The following SAXO1 variants were observed in gnomAD, a reference collection of about 807,000 sequenced individuals.
SAXO1 encodes 4930500O09Rik.
Under a neutral mutation model 17.5 loss-of-function variants are expected in SAXO1, and 21 were observed. The observed-to-expected ratio is 1.20, with a 90% CI of 0.85 to 1.72. The LOEUF (loss-of-function observed/expected upper bound fraction) is 1.72, where lower values mean the gene tolerates loss of function less well. Ranked by LOEUF, SAXO1 falls within the 40% of genes most tolerant of loss-of-function variation. The pLI is 0.00. For synonymous variants in SAXO1, 274 were observed against 216.5 expected (o/e 1.27, Z -2.33); for missense variants, 843 against 596.0 (o/e 1.41, Z -4.32).
chr9:19,014,804 G>A (rs1279269942), intron 1 of SAXO1, among the ~76,000 whole-genome samples: 1 of 152,138 alleles, frequency 6.6e-6, no homozygotes, highest in Non-Finnish European at 1.5e-5. Flanking sequence ...TCCAACCATA[G>A]AGGCTCTACA....
At chr9:18,989,267 A>T (rs183694309) in intron 1 of SAXO1, among the ~76,000 whole-genome samples, 5 of 152,298 alleles carry the variant, frequency 3.3e-5, no homozygotes, top group Non-Finnish European at 5.9e-5. Flanking sequence ...ATTGCTTTTA[A>T]GTGAAACTGA....
intron 1 of SAXO1, among the ~76,000 whole-genome samples, chr9:18,966,603 T>C (rs868514237): frequency 3.3e-5 from 5 of 152,212 alleles, no homozygotes; most frequent in African/African-American, 7.2e-5. Flanking sequence ...GTCATTTATA[T>C]TCTTCTCTAA....
At chr9:19,043,368 A>G (rs1836123940) in intron 1 of SAXO1, among the ~76,000 whole-genome samples, 2 of 152,176 alleles carry the variant, frequency 1.3e-5, no homozygotes, top group African/African-American at 4.8e-5. Context: ...TCACAGACAC[A>G]GAGAGCAGAA....
chr9:18,994,811 G>A (rs1043222109), intron 1 of SAXO1, among the ~76,000 whole-genome samples: 2 of 152,292 alleles, frequency 1.3e-5, no homozygotes, highest in East Asian at 1.9e-4. Context: ...TAACCCCCAG[G>A]ATGCAATCTG....
At chr9:19,025,975 G>T (rs1159309217) in intron 1 of SAXO1, among the ~76,000 whole-genome samples, 1 of 152,020 alleles carries the variant, frequency 6.6e-6, no homozygotes, top group Non-Finnish European at 1.5e-5. Flanking sequence ...GGAGTTGGGG[G>T]AACTAATTAA....
intron 1 of SAXO1, among the ~76,000 whole-genome samples, chr9:19,031,914 A>G (rs1835791790): frequency 6.6e-6 from 1 of 152,164 alleles, no homozygotes; most frequent in Non-Finnish European, 1.5e-5. Flanking sequence ...CACTACTGAT[A>G]CCATTTTTAT....
intron 1 of SAXO1, among the ~76,000 whole-genome samples, chr9:18,992,559 A>G (rs1198506605): frequency 6.6e-6 from 1 of 152,126 alleles, no homozygotes; most frequent in African/African-American, 2.4e-5. Context: ...GAGGTGGCAC[A>G]ATTCAATCCA....
chr9:18,975,403 C>A (rs539993475), intron 1 of SAXO1, among the ~76,000 whole-genome samples: 1 of 152,216 alleles, frequency 6.6e-6, no homozygotes, highest in Non-Finnish European at 1.5e-5. Context: ...ATATGTCAGA[C>A]ATGTCTAATC....
At chr9:19,011,848 G>GTTTTTTTTTTTTTT (rs10646825) in intron 1 of SAXO1, among the ~76,000 whole-genome samples, 1 of 143,522 alleles carries the variant, frequency 7.0e-6, no homozygotes, top group Non-Finnish European at 1.5e-5. Flanking sequence ...ATTAAGCATA[G>GTTTTTTTTTTTTTT]ATTTTTTTTT....
chr9:18,993,748 G>C (rs908462936), intron 1 of SAXO1, among the ~76,000 whole-genome samples: 2 of 152,162 alleles, frequency 1.3e-5, no homozygotes, highest in African/African-American at 4.8e-5. Context: ...GGAGACCCTA[G>C]GCTGGGGGGT....
At chr9:18,967,039 T>C (rs1261146877) in intron 1 of SAXO1, among the ~76,000 whole-genome samples, 6 of 152,320 alleles carry the variant, frequency 3.9e-5, no homozygotes, top group Non-Finnish European at 5.9e-5. Flanking sequence ...TGGAGGTGCA[T>C]TCCAGACCCT....
intron 1 of SAXO1, among the ~76,000 whole-genome samples, chr9:19,017,585 C>T (rs931281398): frequency 2.6e-5 from 4 of 152,204 alleles, no homozygotes; most frequent in Admixed American, 6.5e-5. Flanking sequence ...CTGGCCTCTC[C>T]TATACCTGTC....
intron 1 of SAXO1, among the ~76,000 whole-genome samples, chr9:18,983,895 T>C (rs1267945014): frequency 2.0e-5 from 3 of 152,218 alleles, no homozygotes; most frequent in East Asian, 3.8e-4. Context: ...ACATGCTGAC[T>C]CTTGTTAGGA....
At chr9:19,031,015 C>T (rs968741162) in intron 1 of SAXO1, among the ~76,000 whole-genome samples, 4 of 152,206 alleles carry the variant, frequency 2.6e-5, no homozygotes, top group African/African-American at 4.8e-5. Context: ...AGAACAGACT[C>T]TGCTTCCAAT....
At chr9:18,956,362 G>A (rs1243304072) in intron 1 of SAXO1, among the ~76,000 whole-genome samples, 4 of 152,116 alleles carry the variant, frequency 2.6e-5, no homozygotes, top group Non-Finnish European at 4.4e-5. Flanking sequence ...CTGGTATAAC[G>A]TGACTTTGGG....
Position 18,928,217 on chromosome 9 carries a change from G to C in SAXO1, c.1260C>G (p.Cys420Trp), listed in dbSNP as rs761120534. 2 of 1,614,104 alleles carry C rather than the reference G, an allele frequency of 1.2e-6. No individual in the cohort carries two copies. The highest frequency in any genetic ancestry group is 1.3e-5 in the African/African-American group (1 of 75,026). The change falls in exon 4 of 4, where the codon TGC (cysteine) becomes TGG (tryptophan). Residue 420 changes from cysteine (C) to tryptophan (W), a missense_variant. Physicochemically the swap from Cys to Trp is radical, Grantham distance 215 (BLOSUM62 -2). Coordinates refer to ENST00000380534, the MANE Select transcript of SAXO1 (RefSeq NM_153707.4). ...CAGGAGGCTCAGGATATGAAGCTAG[G>C]CACCTGCCCATTTCCTTGGGAGTAA... ...ISFTPKEMGR[C>W]LASYPEPPGY... is the part of the protein sequence containing the mutation.
At chr9:18,973,221 G>C (rs1449041762) in intron 1 of SAXO1, among the ~76,000 whole-genome samples, 1 of 152,196 alleles carries the variant, frequency 6.6e-6, no homozygotes, top group African/African-American at 2.4e-5. Context: ...GTAAAGGTTG[G>C]TGAAAACTCT....
intron 1 of SAXO1, among the ~76,000 whole-genome samples, chr9:19,005,087 G>T (rs943172682): frequency 6.6e-6 from 1 of 152,052 alleles, no homozygotes; most frequent in South Asian, 2.1e-4. Context: ...GGAAGTGAAA[G>T]ACTTTCACAT....
intron 1 of SAXO1, among the ~76,000 whole-genome samples, chr9:18,955,419 C>A (rs1460046398): frequency 2.6e-5 from 4 of 152,200 alleles, no homozygotes; most frequent in Admixed American, 1.3e-4. Flanking sequence ...AAATGCTCAA[C>A]AGCCACATAT....
Sources: gnomAD v4.1 joint callset for allele counts (sites outside exome capture counted in the v4.1 genomes callset) on GRCh38, gnomAD v4.1.1 for gene constraint, MANE v1.5 for transcripts, NCBI Gene and HGNC (gene_info 2026-07-23, HGNC 2026-07-21) for gene names.